PUS7L: variants seen among roughly 807,000 people sequenced by gnomAD.
The protein encoded by PUS7L is pseudouridylate synthase PUS7L.
PUS7L carries 49 observed loss-of-function variants against 51.1 expected under a neutral mutation model. That is an observed-to-expected ratio of 0.96 (90% CI 0.76 to 1.22). The LOEUF is 1.22. PUS7L is among the 50% of genes most tolerant of loss of function. The pLI is 0.00. For missense variants in PUS7L, 828 were observed against 820.6 expected (o/e 1.01, Z -0.11); for synonymous variants, 277 against 276.2 (o/e 1.00, Z -0.03).
intron 5 of PUS7L, chr12:43,739,849 T>C (rs953721340): frequency 6.6e-6 from 1 of 152,128 alleles, no homozygotes; most frequent in Non-Finnish European, 1.5e-5. Context: ...GAGAGTACTA[T>C]CAAAGTAAGT....
At chr12:43,735,056 C>G (rs1248398038) in intron 7 of PUS7L, among the ~76,000 whole-genome samples, 1 of 152,172 alleles carries the variant, frequency 6.6e-6, no homozygotes, top group Admixed American at 6.5e-5. Context: ...AGGCTCACGC[C>G]TGTAATCTCA....
chr12:43,753,181 TA>T (rs1182295335), intron 2 of PUS7L, among the ~76,000 whole-genome samples: 1 of 152,178 alleles, frequency 6.6e-6, no homozygotes, highest in Non-Finnish European at 1.5e-5. Context: ...ACACTTACTA[TA>T]TGCCTAATAT....
intron 5 of PUS7L, chr12:43,739,034 A>AAAAAATAG (rs142076177): frequency 6.4e-6 from 1 of 155,682 alleles, no homozygotes; most frequent in Non-Finnish European, 1.4e-5. Context: ...AAAAAAGAAA[A>AAAAAATAG]AAAAATAGGG....
At position 43,729,455 on chromosome 12, in the gene PUS7L, C is replaced by A. The variant is rs978177753; in HGVS notation, c.*921G>T. ...TGCCAGTCATTCCTCCCCAACACAC[C>A]CATATTTAACTGATATAAAATGGTG... is the stretch of plus-strand genomic sequence containing the variant. On this transcript the variant is annotated 3_prime_UTR_variant, in exon 9 of 9. Transcript: ENST00000344862. The A allele has an allele frequency of 2.8e-6, 1 of 358,882 alleles. No homozygotes were observed. The highest frequency in any genetic ancestry group is 2.1e-5 in the African/African-American group (1 of 47,796). The allele number at this position is 358,882 out of a possible 1,614,324, so 22.2% of individuals were successfully genotyped here.
chr12:43,738,273 C>A (rs920165672), intron 6 of PUS7L, 37 bp downstream of exon 6: 3 of 1,029,980 alleles, frequency 2.9e-6, no homozygotes, highest in Non-Finnish European at 4.6e-6. Flanking sequence ...GTATCTGTAT[C>A]TGCATGGTTA....
intron 7 of PUS7L, among the ~76,000 whole-genome samples, chr12:43,734,297 A>G (rs1944631510): frequency 1.3e-5 from 2 of 152,216 alleles, no homozygotes; most frequent in African/African-American, 2.4e-5. Context: ...AGAGTCGTTA[A>G]TAATAATCTT....
intron 1 of PUS7L, 53 bp downstream of exon 1, chr12:43,758,660 CCCCCCCACACACACACA>C: frequency 1.4e-6 from 1 of 740,618 alleles, no homozygotes; most frequent in Non-Finnish European, 1.5e-6. Context: ...CGTCACCCCC[CCCCCCCACACACACACA>C]CACACACACA....
In PUS7L at chr12:43,733,745, A is replaced by C. The variant is rs192891141; in HGVS notation, c.1726-1987T>G. Among the ~76,000 whole-genome samples the C allele has an allele frequency of 2.0e-5, 3 of 152,242 alleles. No homozygotes were observed. The East Asian group carries it at 5.8e-4, about 29-fold the overall frequency. On this transcript the variant is annotated intron_variant, in intron 7 of 8. Transcript: ENST00000344862. ...TAAGAAATGATAACGATTTTTTATT[A>C]TTTATCAAAAGGGGATCATTGACAT...
chr12:43,751,593 A>G (rs997017364), intron 2 of PUS7L, among the ~76,000 whole-genome samples: 4 of 151,950 alleles, frequency 2.6e-5, no homozygotes, highest in African/African-American at 9.7e-5. Context: ...AATCCAGTCT[A>G]TCGTTGTTGG....
At chr12:43,756,920 C>T (rs754225826) in intron 1 of PUS7L, among the ~76,000 whole-genome samples, 1 of 152,134 alleles carries the variant, frequency 6.6e-6, no homozygotes, top group Non-Finnish European at 1.5e-5. Context: ...GTCACATTTG[C>T]AATAAAATCC....
At position 43,728,820 on chromosome 12, in the gene PUS7L, C is replaced by A. The variant is rs1305585088; in HGVS notation, c.*1556G>T. ...TTTACATATATTAACTTAGAAAATT[C>A]TCACAGTAATCCTATGAGGTAGGCA... is the stretch of plus-strand genomic sequence containing the variant. On this transcript the variant is annotated 3_prime_UTR_variant, in exon 9 of 9. Transcript: ENST00000344862. The A allele has an allele frequency of 6.2e-6, 1 of 160,314 alleles. No individual in the cohort carries two copies. Among genetic ancestry groups the A allele is most frequent in the African/African-American group, 2.4e-5 (1 of 41,834 alleles). 9.9% of individuals were successfully genotyped at this position (160,314 alleles called of 1,614,324 possible).
intron 8 of PUS7L, among the ~76,000 whole-genome samples, chr12:43,731,049 C>T (rs1944542549): frequency 6.6e-6 from 1 of 152,150 alleles, no homozygotes; most frequent in Non-Finnish European, 1.5e-5. Flanking sequence ...AAAGAGTAAC[C>T]TCTACTGCTC....
intron 3 of PUS7L, among the ~76,000 whole-genome samples, chr12:43,748,164 A>G (rs553874417): frequency 2.0e-5 from 3 of 152,324 alleles, no homozygotes; most frequent in Non-Finnish European, 2.9e-5. Context: ...TTCTATAATA[A>G]ATATATGTCT....
chr12:43,742,354 T>A, intron 5 of PUS7L, 103 bp downstream of exon 5: 2 of 749,180 alleles, frequency 2.7e-6, no homozygotes, highest in South Asian at 3.2e-5. Context: ...TATGTGAGTG[T>A]TTACATGCAT....
At chr12:43,749,591 TC>T (rs1938344989) in intron 2 of PUS7L, among the ~76,000 whole-genome samples, 1 of 151,896 alleles carries the variant, frequency 6.6e-6, no homozygotes, top group Non-Finnish European at 1.5e-5. Context: ...GACTGCTTGA[TC>T]CTAGGAGGTC....
Position 43,743,387 on chromosome 12 carries a change from G to A in PUS7L, c.1264-832C>T, listed in dbSNP as rs935323412. ...CAATTATTATTGAATACCAACTCAAGAACTTTTTAATAAAAGATGCGGAGC... is the reference window on the plus strand; with the variant it reads ...CAATTATTATTGAATACCAACTCAAAAACTTTTTAATAAAAGATGCGGAGC... On this transcript the variant is annotated intron_variant, in intron 4 of 8. Transcript: ENST00000344862. 2.6e-5 allele frequency among the ~76,000 whole-genome samples: 4 copies of A among 152,288 alleles called. No homozygotes were observed. In the South Asian group the frequency reaches 8.3e-4, roughly 32 times the overall value.
At chr12:43,756,662 A>G (rs760977472) in intron 1 of PUS7L, among the ~76,000 whole-genome samples, 1 of 152,124 alleles carries the variant, frequency 6.6e-6, no homozygotes, top group Non-Finnish European at 1.5e-5. Context: ...CCTCTACTTC[A>G]TCTTGGTCAT....
At chr12:43,738,791 A>C in intron 5 of PUS7L, 1 of 281,182 alleles carries the variant, frequency 3.6e-6, no homozygotes, top group South Asian at 5.3e-5. Context: ...ATTAGCAAGT[A>C]TTATAAATAG....
At position 43,730,591 on chromosome 12, in the gene PUS7L, G is replaced by A. The variant is rs377179643; in HGVS notation, c.1891C>T (p.Pro631Ser). Residue 631 changes from proline (P) to serine (S), a missense_variant, in exon 9 of 9, where the codon CCT (proline) becomes TCT (serine). Transcript: ENST00000344862. ...DGLQTCRFKV[P>S]TLKLNIPGCY... ...CCTGGTATATTCAGTTTCAGAGTAG[G>A]TACTTTAAACCTACATGTCTGTAGT... 124 of 1,613,474 alleles carry A rather than the reference G, an allele frequency of 7.7e-5. No individual in the cohort carries two copies. Among genetic ancestry groups the A allele is most frequent in the Non-Finnish European group, 9.9e-5 (117 of 1,179,646 alleles).
Sources: gnomAD v4.1 joint callset for allele counts (sites outside exome capture counted in the v4.1 genomes callset) on GRCh38, gnomAD v4.1.1 for gene constraint, MANE v1.5 for transcripts, NCBI Gene and HGNC (gene_info 2026-07-23, HGNC 2026-07-21) for gene names.